Variants in ASIP observed in about 807,000 individuals in gnomAD.
ASIP encodes the protein agouti signaling protein, also known as agouti-signaling protein.
A neutral mutation model predicts 10.3 loss-of-function variants in ASIP; 11 were observed. That is an observed-to-expected ratio of 1.07 (90% confidence interval 0.68 to 1.78). ASIP has a LOEUF of 1.78. Ranked by LOEUF, ASIP falls within the 40% of genes most tolerant of loss-of-function variation. The probability of loss-of-function intolerance (pLI) is 0.00; values close to 1 mark genes in which losing one functional copy is unlikely to be tolerated. For missense variants in ASIP, 180 were observed against 169.2 expected (o/e 1.06, Z -0.35); for synonymous variants, 70 against 70.8 (o/e 0.99, Z 0.06).
intron 1 of ASIP, chr20:34,215,224 T>C: frequency 1.3e-6 from 2 of 1,590,312 alleles, no homozygotes; most frequent in Non-Finnish European, 8.6e-7. Flanking sequence ...AAACCTATCA[T>C]TGGCTAAAAG....
At chr20:34,186,566 G>A in the ASIP span, among the ~76,000 whole-genome samples, 1 of 152,178 alleles carries the variant, frequency 6.6e-6, no homozygotes, top group Non-Finnish European at 1.5e-5. Context: ...CTACAGGTAA[G>A]TCCAAAGGGA....
intron 1 of ASIP, among the ~76,000 whole-genome samples, chr20:34,222,265 G>A (rs1026189053): frequency 7.9e-5 from 12 of 151,992 alleles, no homozygotes; most frequent in Non-Finnish European, 1.3e-4. Context: ...TAGGCTACAG[G>A]GAGGAAGGAT....
chr20:34,220,594 C>CA (rs11373441), intron 1 of ASIP, among the ~76,000 whole-genome samples: 35,812 of 135,186 alleles, frequency 0.26, 7,311 homozygotes, highest in African/African-American at 0.58. Context: ...GACCTTCTCT[C>CA]AAAAAAAAAA....
chr20:34,239,235 CTT>C (rs111571096), upstream of ASIP, among the ~76,000 whole-genome samples: 1 of 146,196 alleles, frequency 6.8e-6, no homozygotes, highest in Non-Finnish European at 1.5e-5. Flanking sequence ...TGTTCAAATA[CTT>C]TTTTTTTTTT....
At chr20:34,218,190 G>A (rs1243867517) in intron 1 of ASIP, among the ~76,000 whole-genome samples, 3 of 152,202 alleles carry the variant, frequency 2.0e-5, no homozygotes, top group African/African-American at 7.2e-5. Flanking sequence ...TGTTTTGGAA[G>A]ATACGTTCAG....
rs2034992700 is a variant in ASIP at position 34,214,208 on chromosome 20, G to A, written c.-11+19448G>A. On this transcript the variant is annotated intron_variant, in intron 1 of 3. Transcript: ENST00000568305. The stretch of plus-strand genomic sequence containing the variant: ...GATTCATTTGCTTATTGAGAGATTT[G>A]ACAAATCTAGAAAACAGGTAAGCCA... The A allele has an allele frequency of 6.0e-6, 8 of 1,327,732 alleles. No homozygotes were observed. In the South Asian group the frequency reaches 8.2e-5, roughly 14 times the overall value. The allele number at this position is 1,327,732 out of a possible 1,614,324, so 82.2% of individuals were successfully genotyped here.
Position 34,251,420 on chromosome 20 carries a change from G to A in ASIP, c.-10-8945G>A, listed in dbSNP as rs192179456. Among the ~76,000 whole-genome samples the A allele has an allele frequency of 5.0e-4, 76 of 151,980 alleles. 1 individual carries two copies. Among genetic ancestry groups the A allele is most frequent in the Admixed American group, 9.2e-4 (14 of 15,268 alleles). On this transcript the variant is annotated intron_variant, in intron 1 of 3. Transcript: ENST00000374954. ...CAGGTAGCTGGGACTACAGGTGCCC[G>A]CCACCACGCCCGGCTGATTTTTTTT... is the stretch of plus-strand genomic sequence containing the variant.
chr20:34,235,908 AAGG>A (rs2035194641), intron 1 of ASIP, among the ~76,000 whole-genome samples: 1 of 113,830 alleles, frequency 8.8e-6, no homozygotes, highest in Non-Finnish European at 1.6e-5. Context: ...GAAAGGAAGG[AAGG>A]AAGGAAGGAA....
At chr20:34,239,735 C>T (rs756295464), upstream of ASIP, among the ~76,000 whole-genome samples, 6 of 152,168 alleles carry the variant, frequency 3.9e-5, no homozygotes, top group Non-Finnish European at 7.3e-5. Flanking sequence ...CTTATCTTTC[C>T]AGTTGCCCTT....
At chr20:34,252,783 T>C in intron 1 of ASIP, among the ~76,000 whole-genome samples, 1 of 152,252 alleles carries the variant, frequency 6.6e-6, no homozygotes, top group African/African-American at 2.4e-5. Context: ...CCTTGGACAA[T>C]ACCCAGGCTT....
chr20:34,190,132 C>A (rs949642574), upstream of ASIP, among the ~76,000 whole-genome samples: 6 of 152,190 alleles, frequency 3.9e-5, no homozygotes, highest in Non-Finnish European at 8.8e-5. Context: ...GTGATGCTAA[C>A]CTGGGGCTTC....
chr20:34,192,521 C>CTTT (rs35936399), upstream of ASIP, among the ~76,000 whole-genome samples: 560 of 141,768 alleles, frequency 4.0e-3, 4 homozygotes, highest in South Asian at 0.013. Context: ...TTTTCTTCTT[C>CTTT]TTTTTTTTTT....
At chr20:34,207,368 C>T (rs1027715864) in intron 1 of ASIP, among the ~76,000 whole-genome samples, 1 of 152,128 alleles carries the variant, frequency 6.6e-6, no homozygotes, top group Non-Finnish European at 1.5e-5. Context: ...AATGCCTGTT[C>T]ATTTTTAAAT....
At chr20:34,257,580 T>C (rs1474233359) in intron 1 of ASIP, among the ~76,000 whole-genome samples, 2 of 152,320 alleles carry the variant, frequency 1.3e-5, no homozygotes, top group East Asian at 3.9e-4. Flanking sequence ...TTATCTAGTT[T>C]ACAAATATTT....
At chr20:34,210,308 C>T (rs965462743) in intron 1 of ASIP, among the ~76,000 whole-genome samples, 17 of 152,326 alleles carry the variant, frequency 1.1e-4, no homozygotes, top group East Asian at 9.6e-4. Context: ...GCTATGACTC[C>T]GTCTTTGGGG....
chr20:34,241,743 T>C lies in ASIP; in HGVS notation c.-11+254T>C, dbSNP rs148991290. On this transcript the variant is annotated intron_variant, in intron 1 of 3. Coordinates refer to ENST00000374954, the MANE Select transcript of ASIP (RefSeq NM_001672.3). ...AGCAGTAAACGAATAAATAAATATA[T>C]CTATATGTATATCTAAGAAAGAAGT... Among the ~76,000 whole-genome samples the C allele has an allele frequency of 7.4e-3, 1,124 of 152,300 alleles. 9 individuals are homozygous for C. Among genetic ancestry groups the C allele is most frequent in the Non-Finnish European group, 0.012 (784 of 68,014 alleles).
intron 1 of ASIP, among the ~76,000 whole-genome samples, chr20:34,249,077 TGA>T (rs942967368): frequency 4.6e-5 from 7 of 151,482 alleles, no homozygotes; most frequent in Admixed American, 4.0e-4. Flanking sequence ...TACAATGAGC[TGA>T]GATGGCACCA....
At position 34,268,992 on chromosome 20, in the gene ASIP, A is replaced by C; in HGVS notation, c.224A>C (p.Lys75Thr). 1 of 1,603,726 alleles carries C rather than the reference A, an allele frequency of 6.2e-7. No individual in the cohort carries two copies. Among genetic ancestry groups the C allele is most frequent in the Non-Finnish European group, 8.5e-7 (1 of 1,175,788 alleles). Residue 75 changes from lysine (K) to threonine (T), a missense_variant and splice_region_variant, in exon 4 of 4, where the codon AAG (lysine) becomes ACG (threonine). By Grantham distance (78) the Lys-to-Thr change is moderately conservative. Transcript: ENST00000374954. Reference sequence around the variant, plus strand: ...AAAGCCCCGGCGTTTCCCACGCAGAAGGAGGCTTCGATGAAGAAAGTGGTG... The same window carrying C: ...AAAGCCCCGGCGTTTCCCACGCAGACGGAGGCTTCGATGAAGAAAGTGGTG... ...KAAEKKRSSKKEASMKKVVRP... is the reference protein window; with the variant it reads ...KAAEKKRSSKTEASMKKVVRP...
intron 1 of ASIP, chr20:34,213,501 A>AG (rs1267685407): frequency 2.8e-6 from 4 of 1,447,018 alleles, no homozygotes; most frequent in Admixed American, 2.0e-5. Flanking sequence ...CTGTCTCTAA[A>AG]GCAGCAGACT....
Sources: allele counts gnomAD v4.1 joint callset (sites outside exome capture counted in the v4.1 genomes callset), GRCh38; gene constraint gnomAD v4.1.1; transcripts MANE v1.5; gene names NCBI Gene and HGNC (gene_info 2026-07-23, HGNC 2026-07-21).